The following MYH11 variants were observed in gnomAD, a reference collection of about 807,000 sequenced individuals.
MYH11 encodes the protein myosin heavy chain 11.
A neutral mutation model predicts 246.6 loss-of-function variants in MYH11; 80 were observed. That is an observed-to-expected ratio of 0.32 (90% confidence interval 0.27 to 0.39). The LOEUF is 0.39. Ranked by LOEUF, MYH11 falls within the 10% of genes least tolerant of loss-of-function variation. MYH11 has a pLI of 1.00. For missense variants in MYH11, 2,158 were observed against 2,546.8 expected, an observed-to-expected ratio of 0.85 and a Z score of 3.29; for synonymous variants, 1,071 against 1,015.5, an observed-to-expected ratio of 1.05 and a Z score of -1.04.
intron 2 of MYH11, among the ~76,000 whole-genome samples, chr16:15,837,091 T>C (rs997784065): frequency 6.6e-6 from 1 of 152,188 alleles, no homozygotes; most frequent in Non-Finnish European, 1.5e-5. Context: ...GCTACCATAT[T>C]GTGCCATCTC....
intron 40 of MYH11, chr16:15,712,882 G>GTTTTTTTTTCTTTTTTTTTTT (rs2039888662): frequency 1.1e-5 from 1 of 90,636 alleles, no homozygotes; most frequent in African/African-American, 4.5e-5. Context: ...TTCACATACA[G>GTTTTTTTTTCTTTTTTTTTTT]TTTTTTTTTT....
chr16:15,801,263 GC>G (rs1390189918), intron 3 of MYH11, among the ~76,000 whole-genome samples: 1 of 152,092 alleles, frequency 6.6e-6, no homozygotes, highest in African/African-American at 2.4e-5. Flanking sequence ...AAAGAACCAG[GC>G]AGAGCTTTGT....
chr16:15,731,939 C>T lies in MYH11; in HGVS notation c.3651+625G>A, dbSNP rs541991478. ...AAATAGCTGGGACCACAGGAATGCA[C>T]TACCAGGCCTGGCCAATATTTTATT... On this transcript the variant is annotated intron_variant, in intron 27 of 40. Coordinates refer to ENST00000300036, the MANE Select transcript of MYH11 (RefSeq NM_002474.3). 2.6e-5 allele frequency among the ~76,000 whole-genome samples: 4 copies of T among 152,232 alleles called. No individual in the cohort carries two copies. The South Asian group carries it at 8.3e-4, about 32-fold the overall frequency.
At chr16:15,738,313 C>G (rs1180278544) in intron 24 of MYH11, among the ~76,000 whole-genome samples, 2 of 151,848 alleles carry the variant, frequency 1.3e-5, no homozygotes, top group African/African-American at 2.4e-5. Flanking sequence ...TGAGACTAGA[C>G]TGAGCATCAT....
chr16:15,808,476 A>G (rs74009437), intron 3 of MYH11, among the ~76,000 whole-genome samples: 9,062 of 152,186 alleles, frequency 0.06, 835 homozygotes, highest in African/African-American at 0.2. Flanking sequence ...TCCAGCCTTC[A>G]TCTCCCCACT....
intron 10 of MYH11, among the ~76,000 whole-genome samples, chr16:15,762,793 C>T (rs1173146775): frequency 6.6e-6 from 1 of 152,192 alleles, no homozygotes; most frequent in Non-Finnish European, 1.5e-5. Flanking sequence ...TATCGCAATT[C>T]CCCTGTCTTG....
intron 3 of MYH11, among the ~76,000 whole-genome samples, chr16:15,813,161 C>T (rs188574457): frequency 7.2e-5 from 11 of 152,010 alleles, no homozygotes; most frequent in African/African-American, 2.7e-4. Context: ...GGGTGAAACT[C>T]TGTCTCAAAA....
chr16:15,845,797 T>C (rs1028286487), intron 1 of MYH11, among the ~76,000 whole-genome samples: 1 of 151,640 alleles, frequency 6.6e-6, no homozygotes, highest in African/African-American at 2.4e-5. Context: ...TGAAGTAAGA[T>C]TGATCACAAG....
At chr16:15,819,266 C>A (rs537027144) in intron 3 of MYH11, among the ~76,000 whole-genome samples, 1 of 152,296 alleles carries the variant, frequency 6.6e-6, no homozygotes, top group African/African-American at 2.4e-5. Context: ...GTGTTAAAAC[C>A]TAGAGACCAT....
At chr16:15,740,761 C>T (rs1331845529) in intron 22 of MYH11, among the ~76,000 whole-genome samples, 1 of 152,202 alleles carries the variant, frequency 6.6e-6, no homozygotes, top group African/African-American at 2.4e-5. Flanking sequence ...GAGCCTAATT[C>T]TCCTCCCCTT....
rs754366330 is a variant in MYH11 at position 15,771,720 on chromosome 16, G to T, written c.890-8C>A. ...CCTCCAAAAGCAAGTCACCTAGAAG[G>T]AGAGGAAGACAGGTCAGGGTCAATA... On this transcript the variant is annotated splice_region_variant and splice_polypyrimidine_tract_variant and intron_variant, in intron 8 of 40. Transcript: ENST00000300036. 1.2e-5 allele frequency: 20 copies of T among 1,614,008 alleles called. No individual in the cohort carries two copies. Among genetic ancestry groups the T allele is most frequent in the Non-Finnish European group, 1.6e-5 (19 of 1,180,014 alleles).
rs2042373508 is a variant in MYH11 at position 15,782,282 on chromosome 16, G to C, written c.726+103C>G. The C allele has an allele frequency of 1.3e-5, 12 of 932,192 alleles. No individual in the cohort carries two copies. In the South Asian group the frequency reaches 1.4e-4, roughly 11 times the overall value. The allele number at this position is 932,192 out of a possible 1,614,324, so 57.7% of individuals were successfully genotyped here. A position where few individuals can be genotyped will look rare whatever the true frequency, so the allele number is the denominator to read the frequency against. ...TTGTGAGATACAGCCCATCTCTCCA[G>C]GGTCAGATGCCCCTCCCACCTCTGC... is the stretch of plus-strand genomic sequence containing the variant. On this transcript the variant is annotated intron_variant, in intron 6 of 40. Coordinates refer to ENST00000300036, the MANE Select transcript of MYH11 (RefSeq NM_002474.3).
intron 21 of MYH11, 36 bp downstream of exon 21, chr16:15,741,724 T>TCCCCAGCAA (rs2041278312): frequency 6.2e-7 from 1 of 1,614,064 alleles, no homozygotes; most frequent in East Asian, 2.2e-5. Context: ...CAAGTCCTGT[T>TCCCCAGCAA]CCCCAGCAAC....
intron 3 of MYH11, among the ~76,000 whole-genome samples, chr16:15,805,727 C>T (rs976187678): frequency 1.3e-5 from 2 of 151,884 alleles, no homozygotes; most frequent in Non-Finnish European, 2.9e-5. Flanking sequence ...GCCTGGGCAA[C>T]ATGGTGAAAC....
At chr16:15,717,376 C>T (rs371492167) in intron 37 of MYH11, 28 bp from the exon 38 acceptor site, 22 of 1,601,282 alleles carry the variant, frequency 1.4e-5, no homozygotes, top group African/African-American at 2.7e-5. Context: ...GGCCATGAGG[C>T]GGACTCAGGG....
intron 40 of MYH11, among the ~76,000 whole-genome samples, chr16:15,705,194 C>T (rs751499071): frequency 3.9e-5 from 6 of 152,172 alleles, no homozygotes; most frequent in Non-Finnish European, 5.9e-5. Flanking sequence ...GTGACCCAGG[C>T]TGGTCTTGAA....
At chr16:15,853,131 A>G (rs935490480) in intron 1 of MYH11, among the ~76,000 whole-genome samples, 2 of 152,040 alleles carry the variant, frequency 1.3e-5, no homozygotes, top group African/African-American at 4.8e-5. Flanking sequence ...TCAGCCTGGT[A>G]CAGTAAAGTT....
chr16:15,743,693 A>T (rs950913748), intron 20 of MYH11, among the ~76,000 whole-genome samples: 2 of 151,188 alleles, frequency 1.3e-5, no homozygotes, highest in South Asian at 4.2e-4. Context: ...TTTATTGTTT[A>T]CTCCCCACCA....
chr16:15,732,195 T>C (rs1174749091), intron 27 of MYH11, among the ~76,000 whole-genome samples: 1 of 152,106 alleles, frequency 6.6e-6, no homozygotes, highest in Non-Finnish European at 1.5e-5. Flanking sequence ...ACTCCTGACC[T>C]CAGGTGATCC....
Sources: gnomAD v4.1 joint callset for allele counts (sites outside exome capture counted in the v4.1 genomes callset) on GRCh38, gnomAD v4.1.1 for gene constraint, MANE v1.5 for transcripts, NCBI Gene and HGNC (gene_info 2026-07-23, HGNC 2026-07-21) for gene names.